Variants in ITPKB observed in about 807,000 individuals in gnomAD.
ITPKB encodes inositol-trisphosphate 3-kinase B.
A neutral mutation model predicts 69.4 loss-of-function variants in ITPKB; 13 were observed. The ratio of observed to expected loss-of-function variants is 0.19; its 90% CI spans 0.12 to 0.30. The LOEUF (loss-of-function observed/expected upper bound fraction) is 0.30, where lower values mean the gene tolerates loss of function less well. Among genes scored for constraint, ITPKB ranks in the 10% least tolerant of loss-of-function variants. ITPKB has a pLI of 1.00. For missense variants in ITPKB, 1,240 were observed against 1,250.5 expected, an observed-to-expected ratio of 0.99 and a Z score of 0.13; for synonymous variants, 584 against 513.7, an observed-to-expected ratio of 1.14 and a Z score of -1.85.
At chr1:226,675,769 C>T (rs942836957) in intron 2 of ITPKB, among the ~76,000 whole-genome samples, 8 of 152,176 alleles carry the variant, frequency 5.3e-5, no homozygotes, top group Non-Finnish European at 8.8e-5. Context: ...GTATGTGCTA[C>T]GCAAATGCTT....
Position 226,660,935 on chromosome 1 carries a change from C to A in ITPKB, c.1933-12164G>T, listed in dbSNP as rs75918055. ...ACGCAGCAGATCCTCTCCCGCCCTG[C>A]GCTCATCCACTCCTCCCCAGAGATT... On this transcript the variant is annotated intron_variant, in intron 2 of 7. Coordinates refer to ENST00000429204, the MANE Select transcript of ITPKB (RefSeq NM_002221.4). Among the ~76,000 whole-genome samples the A allele has an allele frequency of 6.6e-5, 10 of 152,240 alleles. No homozygotes were observed. In the East Asian group the frequency reaches 1.9e-3, roughly 29 times the overall value.
At chr1:226,720,461 G>T (rs1011660825) in intron 2 of ITPKB, among the ~76,000 whole-genome samples, 1 of 152,242 alleles carries the variant, frequency 6.6e-6, no homozygotes, top group Non-Finnish European at 1.5e-5. Flanking sequence ...GGGAGATTCA[G>T]ATGAGTTAAA....
At chr1:226,705,269 C>T (rs947706454) in intron 2 of ITPKB, among the ~76,000 whole-genome samples, 1 of 152,172 alleles carries the variant, frequency 6.6e-6, no homozygotes, top group Non-Finnish European at 1.5e-5. Flanking sequence ...GTGGCTCACA[C>T]CTGTAATCCC....
Position 226,736,345 on chromosome 1 carries a change from T to C in ITPKB, c.1114A>G (p.Met372Val). 1.2e-6 allele frequency: 2 copies of C among 1,612,446 alleles called. No individual in the cohort carries two copies. Among genetic ancestry groups the C allele is most frequent in the Non-Finnish European group, 1.7e-6 (2 of 1,179,636 alleles). Reference protein sequence around the residue: ...GPRDGEPPGKMGKGYLPCGMP... With the variant: ...GPRDGEPPGKVGKGYLPCGMP... ...CCACAGGGCAGATATCCTTTCCCCA[T>C]CTTCCCAGGGGGTTCTCCATCGCGG... is the stretch of plus-strand genomic sequence containing the variant. The change falls in exon 2 of 8, where the codon ATG becomes GTG. Residue 372 changes from methionine (M) to valine (V), a missense_variant. Coordinates refer to ENST00000429204, the MANE Select transcript of ITPKB (RefSeq NM_002221.4).
At chr1:226,638,340 C>T (rs1253359164) in intron 6 of ITPKB, among the ~76,000 whole-genome samples, 1 of 152,222 alleles carries the variant, frequency 6.6e-6, no homozygotes, top group African/African-American at 2.4e-5. Context: ...AGCCTCAGAG[C>T]TTGCCAGGAG....
rs934286123 is a variant in ITPKB, at chr1:226,634,439, G to A, written c.*232C>T. 4 of 544,416 alleles carry A rather than the reference G, an allele frequency of 7.3e-6. No homozygotes were observed. The highest frequency in any genetic ancestry group is 5.7e-5 in the African/African-American group (3 of 52,662). The allele number at this position is 544,416 out of a possible 1,614,324, so 33.7% of individuals were successfully genotyped here. A position where few individuals can be genotyped will look rare whatever the true frequency, so the allele number is the denominator to read the frequency against. On this transcript the variant is annotated 3_prime_UTR_variant, in exon 8 of 8. Coordinates refer to ENST00000429204, the MANE Select transcript of ITPKB (RefSeq NM_002221.4). This position sits in a 1 kb window ranked among gnomAD's most constrained non-coding sequence, Gnocchi z 6.3. ...ACACCTGACCCACCTCTAAGACTGG[G>A]CATTTCTCTTCTAGTAGGTGACCCT...
At chr1:226,646,494 C>A (rs1669064976) in intron 4 of ITPKB, among the ~76,000 whole-genome samples, 1 of 152,136 alleles carries the variant, frequency 6.6e-6, no homozygotes, top group African/African-American at 2.4e-5. Context: ...GGAGTCCTCT[C>A]CAGGCTTATC....
At chr1:226,639,689 G>T in intron 5 of ITPKB, 31 bp from the exon 6 acceptor site, 1 of 1,429,110 alleles carries the variant, frequency 7.0e-7, no homozygotes, top group Non-Finnish European at 9.9e-7. Context: ...CCCAGGAGGG[G>T]GTCAGCAGGG....
intron 4 of ITPKB, among the ~76,000 whole-genome samples, chr1:226,644,624 C>T (rs182986516): frequency 4.6e-5 from 7 of 152,352 alleles, no homozygotes; most frequent in African/African-American, 1.2e-4. Flanking sequence ...GAAGCCCCGA[C>T]GTGCAGACGC....
intron 2 of ITPKB, among the ~76,000 whole-genome samples, chr1:226,692,528 A>G (rs541307946): frequency 6.6e-6 from 1 of 152,326 alleles, no homozygotes; most frequent in East Asian, 1.9e-4. Flanking sequence ...ACTTCTTAAC[A>G]TAAACCACCA....
Position 226,641,850 on chromosome 1 carries a change from G to T in ITPKB, c.2451+71C>A. The T allele has an allele frequency of 1.4e-6, 2 of 1,384,638 alleles. No individual in the cohort carries two copies. The highest frequency in any genetic ancestry group is 2.0e-6 in the Non-Finnish European group (2 of 996,286). The allele number at this position is 1,384,638 out of a possible 1,614,324, so 85.8% of individuals were successfully genotyped here. ...GAGAAGCTTACAGCTTCCAAAGGGC[G>T]CTGAGAGAAGCCAAGCCCCCTGAGG... On this transcript the variant is annotated intron_variant, in intron 5 of 7. Transcript: ENST00000429204. The surrounding 1 kb of genome is among the most constrained non-coding windows in gnomAD (Gnocchi z 4.6).
intron 2 of ITPKB, among the ~76,000 whole-genome samples, chr1:226,675,643 A>G (rs1159285241): frequency 1.3e-5 from 2 of 152,110 alleles, no homozygotes; most frequent in African/African-American, 4.8e-5. Context: ...AAATTACCCA[A>G]CCTTCCTGCT....
chr1:226,698,004 C>T (rs1296980714), intron 2 of ITPKB, among the ~76,000 whole-genome samples: 2 of 152,158 alleles, frequency 1.3e-5, no homozygotes, highest in African/African-American at 2.4e-5. Flanking sequence ...AAGGACACTC[C>T]CCCCGGGGCA....
At chr1:226,733,469 C>G (rs1208398500) in intron 2 of ITPKB, among the ~76,000 whole-genome samples, 9 of 152,114 alleles carry the variant, frequency 5.9e-5, no homozygotes, top group Non-Finnish European at 1.2e-4. Flanking sequence ...GCGTAACAAT[C>G]TGTACAAGAA....
Position 226,634,395 on chromosome 1 carries a change from A to C in ITPKB, c.*276T>G. ...ATCTGGTAGGGTCCCCTCAGCAGCC[A>C]GGGACCCCCTCCAGCTCTACACCTG... On this transcript the variant is annotated 3_prime_UTR_variant, in exon 8 of 8. Coordinates refer to ENST00000429204, the MANE Select transcript of ITPKB (RefSeq NM_002221.4). The surrounding 1 kb of genome is among the most constrained non-coding windows in gnomAD (Gnocchi z 6.3). 1 of 428,676 alleles carries C rather than the reference A, an allele frequency of 2.3e-6. No individual in the cohort carries two copies. Among genetic ancestry groups the C allele is most frequent in the East Asian group, 4.4e-5 (1 of 22,642 alleles). The allele number at this position is 428,676 out of a possible 1,614,324, so 26.6% of individuals were successfully genotyped here.
At chr1:226,704,499 T>C (rs1018540453) in intron 2 of ITPKB, among the ~76,000 whole-genome samples, 7 of 152,234 alleles carry the variant, frequency 4.6e-5, no homozygotes, top group African/African-American at 1.7e-4. Flanking sequence ...TGGGCATTTA[T>C]GAAAAACTGA....
At chr1:226,635,417 G>A (rs577196626) in intron 7 of ITPKB, among the ~76,000 whole-genome samples, 1 of 152,194 alleles carries the variant, frequency 6.6e-6, no homozygotes, top group African/African-American at 2.4e-5. Context: ...GTAGAGACAG[G>A]GTTTCACTAT....
chr1:226,648,705 T>C lies in ITPKB; in HGVS notation c.1999A>G (p.Lys667Glu). Residue 667 changes from lysine (K) to glutamate (E), a missense_variant, in exon 3 of 8, where the codon AAG (lysine) becomes GAG (glutamate). This residue lies in a region of ITPKB where 248 missense variants were observed against 396.7 expected (regional missense o/e 0.63). Coordinates refer to ENST00000429204, the MANE Select transcript of ITPKB (RefSeq NM_002221.4). ...WSPFVMSFKK[K>E]YPWIQLAGHA... The stretch of plus-strand genomic sequence containing the variant: ...CCTGCCAGCTGGATCCAGGGGTACT[T>C]CTTCTTGAAGGACATGACGAAGGGA... 6.2e-7 allele frequency: 1 copy of C among 1,612,890 alleles called. No individual in the cohort carries two copies.
chr1:226,721,975 A>G (rs1191991067), intron 2 of ITPKB, among the ~76,000 whole-genome samples: 2 of 148,848 alleles, frequency 1.3e-5, no homozygotes, highest in Non-Finnish European at 3.0e-5. Flanking sequence ...CACCACACCC[A>G]GCTGATTTTG....
Sources: gnomAD v4.1 joint callset for allele counts (sites outside exome capture counted in the v4.1 genomes callset) on GRCh38, gnomAD v4.1.1 for gene constraint, gnomAD v4.1.1 regional missense constraint, Gnocchi (gnomAD v3.1) non-coding constraint, MANE v1.5 for transcripts, NCBI Gene and HGNC (gene_info 2026-07-23, HGNC 2026-07-21) for gene names.